ZFHX3: variants seen among roughly 807,000 people sequenced by gnomAD.
ZFHX3 encodes zinc finger homeobox protein 3.
In ZFHX3, 42 loss-of-function variants were observed where a neutral mutation model predicts 279.1. The ratio of observed to expected loss-of-function variants is 0.15; its 90% CI spans 0.12 to 0.19. The LOEUF (loss-of-function observed/expected upper bound fraction) is 0.19. Ranked by LOEUF, ZFHX3 falls within the 10% of genes least tolerant of loss-of-function variation. The probability of loss-of-function intolerance (pLI) is 1.00; values close to 1 mark genes in which losing one functional copy is unlikely to be tolerated. For missense variants in ZFHX3, 4,981 were observed against 4,754.0 expected (o/e 1.05, Z -1.40); for synonymous variants, 2,293 against 1,957.8 (o/e 1.17, Z -4.52).
intron 1 of ZFHX3, among the ~76,000 whole-genome samples, chr16:73,816,358 A>T (rs1191633474): frequency 6.6e-6 from 1 of 152,202 alleles, no homozygotes; most frequent in Non-Finnish European, 1.5e-5. Flanking sequence ...TAGGAAAGTG[A>T]GTATGACTTG....
rs141209003 is a variant in ZFHX3, at chr16:73,561,844, G to C, written c.-1546-105586C>G. ...CGGGCCCTCATAGTGTATTTGATCTGTCTCTGTGGGCATCAGGATGACTGG... is the reference window on the plus strand; with the variant it reads ...CGGGCCCTCATAGTGTATTTGATCTCTCTCTGTGGGCATCAGGATGACTGG... On this transcript the variant is annotated intron_variant, in intron 2 of 17. Coordinates refer to the ZFHX3 transcript ENST00000641206. Among the ~76,000 whole-genome samples, 53 of 152,220 alleles carry C rather than the reference G, an allele frequency of 3.5e-4. 1 individual carries two copies. The highest frequency in any genetic ancestry group is 1.2e-3 in the African/African-American group (51 of 41,522).
chr16:73,322,300 T>C (rs1299339464), intron 3 of ZFHX3, among the ~76,000 whole-genome samples: 2 of 151,808 alleles, frequency 1.3e-5, no homozygotes, highest in African/African-American at 2.4e-5. Context: ...TTGCAGCTTA[T>C]GATATACTTT....
At chr16:73,766,606 G>A (rs2053946838) in intron 1 of ZFHX3, among the ~76,000 whole-genome samples, 1 of 152,182 alleles carries the variant, frequency 6.6e-6, no homozygotes, top group African/African-American at 2.4e-5. Context: ...TGAAGCTCTG[G>A]AGCTAGCTTT....
chr16:73,351,624 TGCC>T (rs1251249628), intron 3 of ZFHX3, among the ~76,000 whole-genome samples: 1 of 152,256 alleles, frequency 6.6e-6, no homozygotes, highest in East Asian at 1.9e-4. Context: ...TGGTCTCATG[TGCC>T]AATGAATATC....
chr16:73,428,553 G>T (rs2017853294), intron 3 of ZFHX3, among the ~76,000 whole-genome samples: 1 of 152,184 alleles, frequency 6.6e-6, no homozygotes, highest in South Asian at 2.1e-4. Context: ...AGCCAGGCAT[G>T]CAGGGTCGAG....
At chr16:73,753,139 A>G (rs928957127) in intron 1 of ZFHX3, among the ~76,000 whole-genome samples, 1 of 152,150 alleles carries the variant, frequency 6.6e-6, no homozygotes, top group African/African-American at 2.4e-5. Flanking sequence ...GTGCCTTAAG[A>G]CATGTGTTCC....
At chr16:73,251,710 C>A (rs973005364) in intron 5 of ZFHX3, among the ~76,000 whole-genome samples, 1 of 127,378 alleles carries the variant, frequency 7.9e-6, no homozygotes, top group Non-Finnish European at 1.8e-5. Flanking sequence ...TGCACACACA[C>A]ATACACACCA....
intron 5 of ZFHX3, among the ~76,000 whole-genome samples, chr16:73,208,682 A>G (rs965183811): frequency 6.6e-6 from 1 of 152,244 alleles, no homozygotes; most frequent in African/African-American, 2.4e-5. Flanking sequence ...CACTGCTAAG[A>G]ATGCTACATA....
intron 1 of ZFHX3, among the ~76,000 whole-genome samples, chr16:73,835,432 A>G (rs1328003090): frequency 7.1e-6 from 1 of 140,748 alleles, no homozygotes; most frequent in Non-Finnish European, 1.5e-5. Flanking sequence ...TTCTTTCGCC[A>G]ACTTTCCTCC....
intron 2 of ZFHX3, among the ~76,000 whole-genome samples, chr16:73,562,487 T>G (rs113511624): frequency 6.6e-6 from 1 of 150,706 alleles, no homozygotes. Flanking sequence ...TCCCAGCTAC[T>G]CCGGAGGCTG....
rs374557256 is a variant in ZFHX3 at position 72,950,807 on chromosome 16, T to C, written c.2878A>G (p.Met960Val). ...TCCACGTTCATGTGCAGGCCCAGCA[T>C]GTCCAGGTTGTCCGTCGTGAACTTG... Reference protein sequence around the residue: ...CNKFTTDNLDMLGLHMNVERS... With the variant: ...CNKFTTDNLDVLGLHMNVERS... The change falls in exon 3 of 10, where the codon ATG (methionine) becomes GTG (valine). Residue 960 changes from methionine to valine, a missense_variant. Transcript: ENST00000268489. 24 of 1,614,218 alleles carry C rather than the reference T, an allele frequency of 1.5e-5. No individual in the cohort carries two copies. In the African/African-American group the frequency reaches 2.1e-4, roughly 14 times the overall value.
intron 1 of ZFHX3, among the ~76,000 whole-genome samples, chr16:72,999,644 C>A (rs946898997): frequency 6.6e-6 from 1 of 152,190 alleles, no homozygotes; most frequent in Admixed American, 6.5e-5. Flanking sequence ...CCCATCTATC[C>A]TGAGAGCTGT....
At chr16:73,327,514 T>A (rs2015715367) in intron 3 of ZFHX3, among the ~76,000 whole-genome samples, 1 of 152,156 alleles carries the variant, frequency 6.6e-6, no homozygotes, top group Admixed American at 6.5e-5. Context: ...TCAGGTCCCT[T>A]CTCCTATGAT....
chr16:73,696,718 C>T (rs1366645976), intron 1 of ZFHX3, among the ~76,000 whole-genome samples: 1 of 152,176 alleles, frequency 6.6e-6, no homozygotes, highest in Non-Finnish European at 1.5e-5. Flanking sequence ...CTGATTTATT[C>T]TCTAGCCCTT....
intron 1 of ZFHX3, among the ~76,000 whole-genome samples, chr16:73,836,152 G>C (rs191573849): frequency 5.3e-5 from 8 of 152,308 alleles, no homozygotes; most frequent in Admixed American, 5.2e-4. Context: ...ACTTTAAGTA[G>C]GTTGTCTTCA....
intron 5 of ZFHX3, among the ~76,000 whole-genome samples, chr16:73,231,248 G>A (rs2012763095): frequency 6.6e-6 from 1 of 152,136 alleles, no homozygotes. Flanking sequence ...GCCAAGAGGC[G>A]CTTGCAGGAG....
At chr16:72,915,768 A>C (rs1463555700) in intron 3 of ZFHX3, among the ~76,000 whole-genome samples, 2 of 152,150 alleles carry the variant, frequency 1.3e-5, no homozygotes, top group South Asian at 2.1e-4. Flanking sequence ...GTCATAAAAA[A>C]AAAAAAAAGG....
chr16:73,765,471 T>C (rs1242237463), intron 1 of ZFHX3, among the ~76,000 whole-genome samples: 2 of 152,242 alleles, frequency 1.3e-5, no homozygotes, highest in African/African-American at 2.4e-5. Flanking sequence ...TTACACAAGA[T>C]AGAATAGAAA....
intron 1 of ZFHX3, among the ~76,000 whole-genome samples, chr16:73,709,538 A>T (rs2053337450): frequency 6.6e-6 from 1 of 152,196 alleles, no homozygotes; most frequent in African/African-American, 2.4e-5. Flanking sequence ...ACAGAAACAC[A>T]ATACACATGA....
Sources: allele counts gnomAD v4.1 joint callset (sites outside exome capture counted in the v4.1 genomes callset), GRCh38; gene constraint gnomAD v4.1.1; transcripts MANE v1.5; gene names NCBI Gene and HGNC (gene_info 2026-07-23, HGNC 2026-07-21).